The following SGCD variants were observed in gnomAD, a reference collection of about 807,000 sequenced individuals.
The protein encoded by SGCD is sarcoglycan delta.
A neutral mutation model predicts 36.6 loss-of-function variants in SGCD; 18 were observed. That is an observed-to-expected ratio of 0.49 (90% CI 0.34 to 0.73). SGCD has a LOEUF of 0.73. Among genes scored for constraint, SGCD ranks in the 30% least tolerant of loss-of-function variants. The pLI is 0.01. For missense variants in SGCD, 387 were observed against 346.7 expected, an observed-to-expected ratio of 1.12 and a Z score of -0.92; for synonymous variants, 133 against 130.6, an observed-to-expected ratio of 1.02 and a Z score of -0.12.
At chr5:155,779,506 G>A in the SGCD span, among the ~76,000 whole-genome samples, 60 of 152,204 alleles carry the variant, frequency 3.9e-4, 1 homozygote, top group South Asian at 0.012. Flanking sequence ...AACCTAGTAT[G>A]TTGTTTCCAC....
In SGCD at chr5:156,133,680, G is replaced by T. The variant is rs1317395405; in HGVS notation, c.-44+9661G>T. On this transcript the variant is annotated intron_variant, in intron 3 of 9. Coordinates refer to the SGCD transcript ENST00000517913. ...CTGATTCTGGTAGCAGCAGAATGTGGTTTTTGCCTTTATTTTTTTTTGTTT... is the reference window on the plus strand; with the variant it reads ...CTGATTCTGGTAGCAGCAGAATGTGTTTTTTGCCTTTATTTTTTTTTGTTT... Among the ~76,000 whole-genome samples, 11 of 151,950 alleles carry T rather than the reference G, an allele frequency of 7.2e-5. No homozygotes were observed. The South Asian group carries it at 2.3e-3, about 31-fold the overall frequency.
At chr5:155,887,960 A>T (rs1475350242) in intron 1 of SGCD, among the ~76,000 whole-genome samples, 1 of 152,202 alleles carries the variant, frequency 6.6e-6, no homozygotes, top group East Asian at 1.9e-4. Flanking sequence ...AAAGATGAGA[A>T]ATACGAAACT....
At chr5:156,628,911 C>T (rs1016144169) in intron 6 of SGCD, among the ~76,000 whole-genome samples, 1 of 152,212 alleles carries the variant, frequency 6.6e-6, no homozygotes. Context: ...CTCACTGCAC[C>T]TTATGAGTGC....
At chr5:156,265,582 A>G (rs17053376) in intron 3 of SGCD, among the ~76,000 whole-genome samples, 10,167 of 151,648 alleles carry the variant, frequency 0.067, 1,067 homozygotes, top group African/African-American at 0.22. Context: ...GTAATTAAAT[A>G]TCTTTTCCCT....
intron 3 of SGCD, among the ~76,000 whole-genome samples, chr5:156,234,305 TA>T (rs1283399406): frequency 3.9e-5 from 6 of 152,212 alleles, no homozygotes; most frequent in Non-Finnish European, 7.3e-5. Flanking sequence ...ATATGTTTTG[TA>T]AATATTTTCT....
intron 4 of SGCD, among the ~76,000 whole-genome samples, chr5:156,527,983 A>C (rs1341335512): frequency 6.6e-6 from 1 of 152,138 alleles, no homozygotes; most frequent in Non-Finnish European, 1.5e-5. Context: ...GACCCAGTAG[A>C]TTTATCTTGT....
intron 6 of SGCD, among the ~76,000 whole-genome samples, chr5:156,645,179 C>G (rs1210170976): frequency 6.6e-6 from 1 of 152,076 alleles, no homozygotes; most frequent in Non-Finnish European, 1.5e-5. Context: ...ATTTTTCACT[C>G]AAACTGTTTA....
At chr5:156,706,659 G>A (rs1430059117) in intron 7 of SGCD, among the ~76,000 whole-genome samples, 2 of 152,062 alleles carry the variant, frequency 1.3e-5, no homozygotes, top group South Asian at 4.2e-4. Flanking sequence ...TGTTCCCTCA[G>A]CAATCAGAGT....
the SGCD span, among the ~76,000 whole-genome samples, chr5:155,756,447 C>T: frequency 2.0e-5 from 3 of 152,272 alleles, no homozygotes; most frequent in African/African-American, 7.2e-5. Context: ...CTTTCTTCCT[C>T]TTCCCATCAC....
At chr5:155,957,752 C>G (rs774120164) in intron 1 of SGCD, among the ~76,000 whole-genome samples, 5 of 152,134 alleles carry the variant, frequency 3.3e-5, no homozygotes, top group African/African-American at 4.8e-5. Context: ...GTCAACTGAA[C>G]AGCAGCCTTA....
intron 3 of SGCD, among the ~76,000 whole-genome samples, chr5:156,220,136 G>T (rs1333902611): frequency 6.6e-6 from 1 of 152,160 alleles, no homozygotes; most frequent in Non-Finnish European, 1.5e-5. Context: ...TGCTGGAGCT[G>T]TCATGGTAAT....
chr5:156,221,799 C>T (rs767803730), intron 3 of SGCD, among the ~76,000 whole-genome samples: 25 of 151,728 alleles, frequency 1.6e-4, no homozygotes, highest in African/African-American at 5.3e-4. Context: ...TACTTGTAAC[C>T]CTTATAACAA....
At chr5:155,783,221 C>T in the SGCD span, among the ~76,000 whole-genome samples, 14 of 152,176 alleles carry the variant, frequency 9.2e-5, no homozygotes, top group East Asian at 3.9e-4. Flanking sequence ...GTGCCTTTGG[C>T]GGGAAATTTA....
At chr5:156,338,339 C>T (rs527275860) in intron 2 of SGCD, among the ~76,000 whole-genome samples, 16 of 152,310 alleles carry the variant, frequency 1.1e-4, no homozygotes, top group African/African-American at 2.4e-4. Flanking sequence ...ACCACTTCAA[C>T]GGTATTAGAC....
chr5:155,897,167 A>G (rs916777845), intron 1 of SGCD, among the ~76,000 whole-genome samples: 2 of 152,206 alleles, frequency 1.3e-5, no homozygotes, highest in African/African-American at 4.8e-5. Context: ...CCGAGGCTAT[A>G]TGGTACAGCT....
At chr5:156,156,021 C>A (rs1003472884) in intron 3 of SGCD, among the ~76,000 whole-genome samples, 1 of 151,586 alleles carries the variant, frequency 6.6e-6, no homozygotes, top group Admixed American at 6.6e-5. Context: ...CCTTATGGGC[C>A]GAATGTGCAT....
the SGCD span, among the ~76,000 whole-genome samples, chr5:155,834,665 C>G: frequency 3.3e-5 from 5 of 152,094 alleles, no homozygotes; most frequent in Non-Finnish European, 5.9e-5. Context: ...TTCTTTCGTG[C>G]TTTTCACAGT....
intron 3 of SGCD, among the ~76,000 whole-genome samples, chr5:156,239,369 C>T (rs1172589124): frequency 5.7e-5 from 7 of 122,188 alleles, no homozygotes; most frequent in African/African-American, 2.2e-4. Context: ...CACTGCCCTC[C>T]AACCTGGGCC....
chr5:156,232,664 A>G (rs905152895), intron 3 of SGCD, among the ~76,000 whole-genome samples: 1 of 152,200 alleles, frequency 6.6e-6, no homozygotes, highest in Non-Finnish European at 1.5e-5. Context: ...AGACCGTGAA[A>G]TCTTACAGGA....
Sources: gnomAD v4.1 joint callset for allele counts (sites outside exome capture counted in the v4.1 genomes callset) on GRCh38, gnomAD v4.1.1 for gene constraint, MANE v1.5 for transcripts, NCBI Gene and HGNC (gene_info 2026-07-23, HGNC 2026-07-21) for gene names.